The following PFKFB2 variants were observed in gnomAD, a reference collection of about 807,000 sequenced individuals.
PFKFB2 encodes 6-phosphofructo-2-kinase/fructose-2,6-biphosphatase 2, also known as 6-phosphofructo-2-kinase/fructose-2,6-bisphosphatase 2.
Under a neutral mutation model 68.0 loss-of-function variants are expected in PFKFB2, and 53 were observed. That is an observed-to-expected ratio of 0.78 (90% CI 0.63 to 0.98). The LOEUF is 0.98. Among genes scored for constraint, PFKFB2 ranks in the 50% least tolerant of loss-of-function variants. PFKFB2 has a pLI of 0.00. For synonymous variants in PFKFB2, 222 were observed against 227.6 expected, an observed-to-expected ratio of 0.98 and a Z score of 0.22; for missense variants, 451 against 642.0, an observed-to-expected ratio of 0.70 and a Z score of 3.22.
chr1:207,063,476 G>A lies in PFKFB2; in HGVS notation c.450+55G>A. 1 of 1,219,988 alleles carries A rather than the reference G, an allele frequency of 8.2e-7. No individual in the cohort carries two copies. Among genetic ancestry groups the A allele is most frequent in the Non-Finnish European group, 1.2e-6 (1 of 831,698 alleles). 75.6% of individuals were successfully genotyped at this position (1,219,988 alleles called of 1,614,324 possible). A position where few individuals can be genotyped will look rare whatever the true frequency, so the allele number is the denominator to read the frequency against. On this transcript the variant is annotated intron_variant, in intron 6 of 14. Coordinates refer to ENST00000367080, the MANE Select transcript of PFKFB2 (RefSeq NM_006212.2). The surrounding 1 kb of genome is among the most constrained non-coding windows in gnomAD (Gnocchi z 4.1). ...GGGATGAGTAGAGGTGGGGAGTCAG[G>A]CTACAGGCATGGATCTCTCACTCTA... is the stretch of plus-strand genomic sequence containing the variant.
At chr1:207,066,379 C>A (rs1683289242) in intron 8 of PFKFB2, among the ~76,000 whole-genome samples, 1 of 152,206 alleles carries the variant, frequency 6.6e-6, no homozygotes, top group Non-Finnish European at 1.5e-5. Flanking sequence ...ATGTGCATGG[C>A]ACACTTAATA....
chr1:207,055,752 C>T (rs1682901369), intron 2 of PFKFB2, among the ~76,000 whole-genome samples: 1 of 152,118 alleles, frequency 6.6e-6, no homozygotes, highest in Non-Finnish European at 1.5e-5. Flanking sequence ...CAAAGCTTTT[C>T]CCAGAGCCTC....
chr1:207,052,339 G>C (rs1682774229), upstream of PFKFB2: 4 of 984,748 alleles, frequency 4.1e-6, no homozygotes, highest in Admixed American at 1.9e-5. Context: ...TTAGGGGGTA[G>C]GTAGGAGGGA....
At chr1:207,068,809 G>A (rs1164401049) in intron 10 of PFKFB2, among the ~76,000 whole-genome samples, 2 of 151,060 alleles carry the variant, frequency 1.3e-5, no homozygotes, top group Non-Finnish European at 1.5e-5. Flanking sequence ...GTGCAGTGGC[G>A]TGATCCTGGC....
At chr1:207,048,303 C>T (rs1682646598), upstream of PFKFB2, 2 of 152,700 alleles carry the variant, frequency 1.3e-5, no homozygotes, top group South Asian at 4.1e-4. Context: ...AGGGCACAAT[C>T]AGTTCCTGTT....
At chr1:207,067,413 A>G in intron 8 of PFKFB2, 86 bp from the exon 9 acceptor site, 1 of 927,440 alleles carries the variant, frequency 1.1e-6, no homozygotes, top group South Asian at 1.5e-5. Context: ...GTGAGCCTGC[A>G]AGTCCCTGTA....
In PFKFB2 at chr1:207,069,001, A is replaced by T. The variant is rs1307642588; in HGVS notation, c.988-423A>T. Reference sequence around the variant, plus strand: ...ACCTTGTGATCCACCCGCCTTGGCCACCCAAAGTGTTGGGATTACAGGCAT... The same window carrying T: ...ACCTTGTGATCCACCCGCCTTGGCCTCCCAAAGTGTTGGGATTACAGGCAT... On this transcript the variant is annotated intron_variant, in intron 10 of 14. Transcript: ENST00000367080. Among the ~76,000 whole-genome samples the T allele has an allele frequency of 4.6e-5, 7 of 152,084 alleles. No individual in the cohort carries two copies. The South Asian group carries it at 1.0e-3, about 22-fold the overall frequency.
At chr1:207,057,568 A>C (rs1432636964) in intron 2 of PFKFB2, among the ~76,000 whole-genome samples, 1 of 151,462 alleles carries the variant, frequency 6.6e-6, no homozygotes, top group East Asian at 1.9e-4. Flanking sequence ...TGGAACAGAC[A>C]AATTCTTCCA....
At chr1:207,035,654 AAAAC>A (rs994493045) in intron 1 of PFKFB2, among the ~76,000 whole-genome samples, 4 of 150,994 alleles carry the variant, frequency 2.6e-5, no homozygotes, top group African/African-American at 7.4e-5. Context: ...CCCTGTCTTA[AAAAC>A]AAACAAACAA....
intron 14 of PFKFB2, 25 bp downstream of exon 14, chr1:207,071,598 C>T: frequency 6.4e-7 from 1 of 1,570,566 alleles, no homozygotes; most frequent in Non-Finnish European, 8.8e-7. Flanking sequence ...ACGATGAACA[C>T]ACCAGTTTCC....
chr1:207,050,949 C>G (rs200758571), upstream of PFKFB2: 4 of 1,572,622 alleles, frequency 2.5e-6, no homozygotes, highest in South Asian at 1.1e-5. Flanking sequence ...GCTTTGGTCC[C>G]GGCAGCCTGT....
chr1:207,071,420 T>C (rs1683462052), intron 13 of PFKFB2, 89 bp from the exon 14 acceptor site: 10 of 1,159,926 alleles, frequency 8.6e-6, no homozygotes, highest in Non-Finnish European at 1.3e-5. Context: ...GCAGAATGCG[T>C]ACATTCCTTT....
chr1:207,075,506 C>A lies in PFKFB2; in HGVS notation c.*3135C>A. On this transcript the variant is annotated 3_prime_UTR_variant, in exon 15 of 15. Coordinates refer to ENST00000367080, the MANE Select transcript of PFKFB2 (RefSeq NM_006212.2). ...TCTTACTTGAATGCATGTTGGTAAT[C>A]TGTATACATTACTATGACTGTGTCT... 1 of 985,050 alleles carries A rather than the reference C, an allele frequency of 1.0e-6. No homozygotes were observed. Among genetic ancestry groups the A allele is most frequent in the Non-Finnish European group, 1.2e-6 (1 of 829,574 alleles). The allele number at this position is 985,050 out of a possible 1,614,324, so 61.0% of individuals were successfully genotyped here.
upstream of PFKFB2, chr1:207,048,946 C>T: frequency 3.0e-6 from 4 of 1,354,334 alleles, no homozygotes; most frequent in Non-Finnish European, 4.1e-6. Flanking sequence ...TTTAGGGTTA[C>T]CATAGCTTAT....
At position 207,070,357 on chromosome 1, in the gene PFKFB2, C is replaced by G. The variant is rs770228473; in HGVS notation, c.1170C>G (p.Ser390=). Residue 390 remains serine, a synonymous_variant, in exon 12 of 15, where the codon TCC becomes TCG. Coordinates refer to ENST00000367080, the MANE Select transcript of PFKFB2 (RefSeq NM_006212.2). The surrounding 1 kb of genome is among the most constrained non-coding windows in gnomAD (Gnocchi z 4.2). The stretch of plus-strand genomic sequence containing the variant: ...GTCAGGGCAATGTCCTCGTCATCTC[C>G]CACCAGGCTGTCATGCGCTGCCTCC... The part of the protein sequence containing the change: ...LERQGNVLVI[S]HQAVMRCLLA... The G allele has an allele frequency of 4.3e-6, 7 of 1,613,980 alleles. No individual in the cohort carries two copies. The highest frequency in any genetic ancestry group is 5.9e-6 in the Non-Finnish European group (7 of 1,180,006).
chr1:207,072,181 G>A, intron 14 of PFKFB2, 23 bp from the exon 15 acceptor site: 1 of 1,609,860 alleles, frequency 6.2e-7, no homozygotes, highest in Non-Finnish European at 8.5e-7. Flanking sequence ...TCATTTGTGT[G>A]GTGTCACTCC....
At chr1:207,052,841 G>A (rs1682790996), upstream of PFKFB2, 1 of 152,274 alleles carries the variant, frequency 6.6e-6, no homozygotes, top group South Asian at 2.1e-4. Flanking sequence ...GTTTATTCTA[G>A]CAAAAACATC....
At position 207,073,435 on chromosome 1, in the gene PFKFB2, T is replaced by C. The variant is rs1337601414; in HGVS notation, c.*1064T>C. 3 of 985,342 alleles carry C rather than the reference T, an allele frequency of 3.0e-6. No individual in the cohort carries two copies. Among genetic ancestry groups the C allele is most frequent in the Non-Finnish European group, 3.6e-6 (3 of 829,922 alleles). 61.0% of individuals were successfully genotyped at this position (985,342 alleles called of 1,614,324 possible). ...GAGTCACCACTGATGTTTGAGTTGC[T>C]CAAGGCAAGAGGCAGAGAAGAGTTC... On this transcript the variant is annotated 3_prime_UTR_variant, in exon 15 of 15. Transcript: ENST00000367080.
At chr1:207,050,675 C>G (rs760096036), upstream of PFKFB2, 1 of 1,612,778 alleles carries the variant, frequency 6.2e-7, no homozygotes, top group African/African-American at 1.3e-5. Flanking sequence ...TGGCCCCAGC[C>G]CTGATTCCTT....
Sources: gnomAD v4.1 joint callset for allele counts (sites outside exome capture counted in the v4.1 genomes callset) on GRCh38, gnomAD v4.1.1 for gene constraint, Gnocchi (gnomAD v3.1) non-coding constraint, MANE v1.5 for transcripts, NCBI Gene and HGNC (gene_info 2026-07-23, HGNC 2026-07-21) for gene names.